Variants in SCN10A observed in about 807,000 individuals in gnomAD.
SCN10A encodes the protein sodium channel protein type 10 subunit alpha.
Under a neutral mutation model 170.7 loss-of-function variants are expected in SCN10A, and 162 were observed. That is an observed-to-expected ratio of 0.95 (90% CI 0.84 to 1.08). The LOEUF is 1.08. Among genes scored for constraint, SCN10A ranks in the 50% least tolerant of loss-of-function variants. SCN10A has a pLI of 0.00. For missense variants in SCN10A, 2,527 were observed against 2,436.9 expected (o/e 1.04, Z -0.78); for synonymous variants, 985 against 904.6 (o/e 1.09, Z -1.59).
At chr3:38,798,784 T>A (rs953678887) in intron 1 of SCN10A, among the ~76,000 whole-genome samples, 1 of 86,408 alleles carries the variant, frequency 1.2e-5, no homozygotes, top group Non-Finnish European at 2.2e-5. Flanking sequence ...TCCCCTTGCC[T>A]CCTTTTTTTT....
chr3:38,756,513 GCTT>G (rs887685034), intron 10 of SCN10A, among the ~76,000 whole-genome samples, 158 bp downstream of exon 10: 1 of 152,182 alleles, frequency 6.6e-6, no homozygotes, highest in African/African-American at 2.4e-5. Context: ...TCCTCACTTA[GCTT>G]CTTCTTTGAG....
chr3:38,772,354 GAAAAA>G (rs1179597641), intron 4 of SCN10A, among the ~76,000 whole-genome samples: 8 of 149,600 alleles, frequency 5.3e-5, no homozygotes, highest in African/African-American at 2.0e-4. Context: ...GAAAAGAAAA[GAAAAA>G]GAGACAATAA....
chr3:38,698,485 G>C lies in SCN10A; in HGVS notation c.4735C>G (p.Arg1579Gly). The change falls in exon 28 of 28, where the codon CGA (arginine) becomes GGA (glycine). Residue 1579 changes from arginine (R) to glycine (G), a missense_variant. Transcript: ENST00000449082. ...ATCAGTCTGAGGATGCGGCCAATTCGGGCCAGGCGGATGACTCTGAAGAGC... is the reference window on the plus strand; with the variant it reads ...ATCAGTCTGAGGATGCGGCCAATTCCGGCCAGGCGGATGACTCTGAAGAGC... Reference protein sequence around the residue: ...PTLFRVIRLARIGRILRLIRA... With the variant: ...PTLFRVIRLAGIGRILRLIRA... The C allele has an allele frequency of 6.2e-7, 1 of 1,614,176 alleles. No individual in the cohort carries two copies.
At chr3:38,754,495 AATT>A (rs2063782178) in intron 11 of SCN10A, among the ~76,000 whole-genome samples, 1 of 152,182 alleles carries the variant, frequency 6.6e-6, no homozygotes, top group African/African-American at 2.4e-5. Context: ...CACACATACC[AATT>A]ATTGGACATC....
intron 20 of SCN10A, among the ~76,000 whole-genome samples, chr3:38,719,758 T>C (rs2063371187): frequency 6.6e-6 from 1 of 152,216 alleles, no homozygotes; most frequent in Non-Finnish European, 1.5e-5. Context: ...ATTGGCAATG[T>C]GACTCAGAGG....
At chr3:38,772,031 A>C (rs2064006710) in intron 4 of SCN10A, among the ~76,000 whole-genome samples, 1 of 152,242 alleles carries the variant, frequency 6.6e-6, no homozygotes, top group Non-Finnish European at 1.5e-5. Context: ...TATGCCATCC[A>C]TTCAATGAGA....
chr3:38,724,073 C>A (rs540895241), intron 18 of SCN10A, among the ~76,000 whole-genome samples: 1 of 152,322 alleles, frequency 6.6e-6, no homozygotes, highest in South Asian at 2.1e-4. Context: ...TGAGTAGGGA[C>A]AACTAGCCAG....
intron 19 of SCN10A, among the ~76,000 whole-genome samples, chr3:38,722,953 A>G (rs1215225159): frequency 2.0e-5 from 3 of 152,214 alleles, no homozygotes; most frequent in African/African-American, 7.2e-5. Flanking sequence ...TTGCACAAAT[A>G]TTTATTGAGA....
chr3:38,787,019 C>T (rs904610070), intron 4 of SCN10A, among the ~76,000 whole-genome samples: 1 of 151,990 alleles, frequency 6.6e-6, no homozygotes, highest in East Asian at 1.9e-4. Context: ...TTCATGTAAA[C>T]TTTTGAGGAA....
intron 13 of SCN10A, among the ~76,000 whole-genome samples, chr3:38,743,144 T>A (rs144037687): frequency 6.6e-6 from 1 of 152,180 alleles, no homozygotes; most frequent in Non-Finnish European, 1.5e-5. Context: ...TTCTACTTAC[T>A]CTCTGTTGAT....
intron 1 of SCN10A, among the ~76,000 whole-genome samples, chr3:38,804,088 A>C (rs2064391253): frequency 6.6e-6 from 1 of 152,130 alleles, no homozygotes; most frequent in Non-Finnish European, 1.5e-5. Flanking sequence ...GCACTTTTGA[A>C]ATATACCCTG....
chr3:38,812,932 C>G (rs1282955090), intron 1 of SCN10A, among the ~76,000 whole-genome samples: 1 of 152,036 alleles, frequency 6.6e-6, no homozygotes, highest in South Asian at 2.1e-4. Context: ...TACTCAGGAG[C>G]TGAGGTAGGA....
intron 25 of SCN10A, 80 bp from the exon 26 acceptor site, chr3:38,707,463 G>T: frequency 7.0e-7 from 1 of 1,431,538 alleles, no homozygotes; most frequent in Non-Finnish European, 9.8e-7. Flanking sequence ...GGAGAGAAAG[G>T]ATCATATCAA....
chr3:38,770,604 C>T (rs954931336), intron 5 of SCN10A, among the ~76,000 whole-genome samples: 3 of 152,230 alleles, frequency 2.0e-5, no homozygotes, highest in African/African-American at 7.2e-5. Context: ...CTGCAGTGCC[C>T]TACTCAGACC....
chr3:38,729,143 G>T (rs764642317), intron 15 of SCN10A, among the ~76,000 whole-genome samples: 8 of 152,132 alleles, frequency 5.3e-5, no homozygotes, highest in Non-Finnish European at 1.0e-4. Context: ...CTGAGTCAGG[G>T]TCTTCTACTG....
Position 38,751,781 on chromosome 3 carries a change from A to C in SCN10A, c.1755+438T>G, listed in dbSNP as rs80189337. ...AGCAAGGAATACTGTGCTTCTATTCAGATCTGTCCTAAGAAACTTCCTGAA... is the reference window on the plus strand; with the variant it reads ...AGCAAGGAATACTGTGCTTCTATTCCGATCTGTCCTAAGAAACTTCCTGAA... On this transcript the variant is annotated intron_variant, in intron 12 of 27. Transcript: ENST00000449082. Among the ~76,000 whole-genome samples the C allele has an allele frequency of 2.9e-3, 438 of 152,328 alleles. 12 individuals carry two copies. The East Asian group carries it at 0.078, about 27-fold the overall frequency.
intron 5 of SCN10A, among the ~76,000 whole-genome samples, chr3:38,765,565 T>C (rs2063922961): frequency 6.6e-6 from 1 of 152,198 alleles, no homozygotes; most frequent in African/African-American, 2.4e-5. Flanking sequence ...TTTCCATTGG[T>C]CTATGTGCTT....
At chr3:38,699,263 T>A (rs1443747418) in intron 27 of SCN10A, among the ~76,000 whole-genome samples, 2 of 151,816 alleles carry the variant, frequency 1.3e-5, no homozygotes, top group Non-Finnish European at 2.9e-5. Flanking sequence ...GGAGATAGGT[T>A]TTTTTGGGGG....
chr3:38,753,572 TATAA>T (rs2126024821), intron 11 of SCN10A, among the ~76,000 whole-genome samples: 1 of 152,270 alleles, frequency 6.6e-6, no homozygotes, highest in African/African-American at 2.4e-5. Flanking sequence ...AGCTCAGTAT[TATAA>T]ATAGAGTACT....
Sources: allele counts gnomAD v4.1 joint callset (sites outside exome capture counted in the v4.1 genomes callset), GRCh38; gene constraint gnomAD v4.1.1; transcripts MANE v1.5; gene names NCBI Gene and HGNC (gene_info 2026-07-23, HGNC 2026-07-21).